Variants in NALF1 observed in about 807,000 individuals in gnomAD.
The protein encoded by NALF1 is NALCN channel auxiliary factor 1.
NALF1 carries 3 observed loss-of-function variants against 48.4 expected under a neutral mutation model. The ratio of observed to expected loss-of-function variants is 0.06; its 90% confidence interval spans 0.03 to 0.16. The LOEUF is 0.16. Among genes scored for constraint, NALF1 ranks in the 10% least tolerant of loss-of-function variants. NALF1 has a pLI of 1.00. For synonymous variants in NALF1, 262 were observed against 245.7 expected, an observed-to-expected ratio of 1.07 and a Z score of -0.62; for missense variants, 526 against 571.5, an observed-to-expected ratio of 0.92 and a Z score of 0.81.
At chr13:107,812,907 C>G (rs564970850) in intron 1 of NALF1, among the ~76,000 whole-genome samples, 2 of 152,068 alleles carry the variant, frequency 1.3e-5, no homozygotes, top group South Asian at 4.1e-4. Flanking sequence ...AGGCATGCAT[C>G]ACCACACCTG....
At chr13:107,830,245 A>C (rs2138626252) in intron 1 of NALF1, among the ~76,000 whole-genome samples, 1 of 152,360 alleles carries the variant, frequency 6.6e-6, no homozygotes, top group East Asian at 1.9e-4. Context: ...TCCAAAGGCC[A>C]ATCACCACTG....
intron 1 of NALF1, among the ~76,000 whole-genome samples, chr13:107,585,153 A>AT (rs1430898032): frequency 6.6e-6 from 1 of 152,020 alleles, no homozygotes; most frequent in Non-Finnish European, 1.5e-5. Flanking sequence ...CAACCCGGTC[A>AT]TTTTTTTCCA....
At chr13:107,363,888 C>T (rs1883107294) in intron 1 of NALF1, among the ~76,000 whole-genome samples, 1 of 152,108 alleles carries the variant, frequency 6.6e-6, no homozygotes, top group Admixed American at 6.5e-5. Context: ...CAAGAGGTAA[C>T]TTTGGGTTCT....
chr13:107,776,329 T>C (rs1368336343), intron 1 of NALF1, among the ~76,000 whole-genome samples: 7 of 152,244 alleles, frequency 4.6e-5, no homozygotes, highest in Admixed American at 3.9e-4. Context: ...GGTTTCCTCA[T>C]CTGTGAAAAG....
chr13:107,572,785 T>A (rs1196137078), intron 1 of NALF1, among the ~76,000 whole-genome samples: 1 of 152,220 alleles, frequency 6.6e-6, no homozygotes, highest in Non-Finnish European at 1.5e-5. Flanking sequence ...AAAACCAAAT[T>A]CATCATTCAT....
At chr13:107,544,576 A>G (rs1877085518) in intron 1 of NALF1, among the ~76,000 whole-genome samples, 1 of 152,128 alleles carries the variant, frequency 6.6e-6, no homozygotes, top group Non-Finnish European at 1.5e-5. Flanking sequence ...TTAGAACCCC[A>G]CAGTCCATAT....
Position 107,857,797 on chromosome 13 carries a change from G to A in NALF1, c.915+7885C>T, listed in dbSNP as rs116565277. Among the ~76,000 whole-genome samples the A allele has an allele frequency of 2.4e-3, 361 of 152,220 alleles. 2 individuals carry two copies. Among genetic ancestry groups the A allele is most frequent in the African/African-American group, 8.2e-3 (342 of 41,538 alleles). ...CTGTTTATAAAAGTCTTGTAAATCA[G>A]TCTTCTATACAGAAAATTTATATGA... On this transcript the variant is annotated intron_variant, in intron 1 of 2. Transcript: ENST00000375915.
At chr13:107,698,296 T>C (rs1326670736) in intron 1 of NALF1, among the ~76,000 whole-genome samples, 1 of 152,178 alleles carries the variant, frequency 6.6e-6, no homozygotes, top group Non-Finnish European at 1.5e-5. Context: ...GTCAAAAGGA[T>C]ATATGCTATC....
At chr13:107,734,406 AAAAACACAC>A (rs1211406314) in intron 1 of NALF1, among the ~76,000 whole-genome samples, 2 of 81,174 alleles carry the variant, frequency 2.5e-5, no homozygotes, top group Non-Finnish European at 5.9e-5. Flanking sequence ...TCCTTTAAAA[AAAAACACAC>A]ACACACACAC....
intron 1 of NALF1, among the ~76,000 whole-genome samples, chr13:107,329,510 T>C (rs1242634887): frequency 6.6e-6 from 1 of 152,004 alleles, no homozygotes; most frequent in Non-Finnish European, 1.5e-5. Flanking sequence ...TAAATTTTAT[T>C]ATTATTATAC....
At chr13:107,613,121 C>T (rs1248089317) in intron 1 of NALF1, among the ~76,000 whole-genome samples, 2 of 152,088 alleles carry the variant, frequency 1.3e-5, no homozygotes, top group South Asian at 2.1e-4. Flanking sequence ...GTGAAACTCC[C>T]GGGGAAGATT....
rs1310288611 is a variant in NALF1, at chr13:107,798,719, T to C, written c.915+66963A>G. Among the ~76,000 whole-genome samples, 5 of 152,208 alleles carry C rather than the reference T, an allele frequency of 3.3e-5. No homozygotes were observed. The East Asian group carries it at 7.7e-4, about 23-fold the overall frequency. On this transcript the variant is annotated intron_variant, in intron 1 of 2. Transcript: ENST00000375915. ...CAGTTTTGTCTTAAGCATTTCTAAA[T>C]AGAGTTTGCCACTATGAGATAAGAC...
rs192942483 is a variant in NALF1 at position 107,700,407 on chromosome 13, A to C, written c.915+165275T>G. 2.0e-5 allele frequency among the ~76,000 whole-genome samples: 3 copies of C among 150,748 alleles called. No homozygotes were observed. In the East Asian group the frequency reaches 6.0e-4, roughly 30 times the overall value. Reference sequence around the variant, plus strand: ...TGAACATAATATGGGAAAATAGTTTATTAAGTAAATGATGCTGAGAAAACA... The same window carrying C: ...TGAACATAATATGGGAAAATAGTTTCTTAAGTAAATGATGCTGAGAAAACA... On this transcript the variant is annotated intron_variant, in intron 1 of 2. Coordinates refer to ENST00000375915, the MANE Select transcript of NALF1 (RefSeq NM_001080396.3).
chr13:107,323,069 GT>G (rs1882287576), intron 1 of NALF1, among the ~76,000 whole-genome samples: 1 of 152,026 alleles, frequency 6.6e-6, no homozygotes, highest in Non-Finnish European at 1.5e-5. Context: ...CATGAATGAA[GT>G]TTTCTGACTT....
intron 1 of NALF1, among the ~76,000 whole-genome samples, chr13:107,727,817 T>A (rs1876201610): frequency 6.6e-6 from 1 of 152,118 alleles, no homozygotes; most frequent in African/African-American, 2.4e-5. Flanking sequence ...TATGAGGAAC[T>A]TAAACAAATT....
At chr13:107,530,659 C>T (rs1187082162) in intron 1 of NALF1, among the ~76,000 whole-genome samples, 1 of 152,022 alleles carries the variant, frequency 6.6e-6, no homozygotes, top group African/African-American at 2.4e-5. Context: ...GCAGGTACTA[C>T]ATGACAAATA....
At chr13:107,271,961 G>A (rs1451416408) in intron 1 of NALF1, among the ~76,000 whole-genome samples, 14 of 151,520 alleles carry the variant, frequency 9.2e-5, no homozygotes, top group Admixed American at 9.2e-4. Flanking sequence ...GAATAATCAT[G>A]AGACCTCAGG....
chr13:107,275,328 T>G (rs970809615), intron 1 of NALF1, among the ~76,000 whole-genome samples: 1 of 152,192 alleles, frequency 6.6e-6, no homozygotes, highest in Non-Finnish European at 1.5e-5. Flanking sequence ...ATGCAAATTA[T>G]GTATCTCATC....
At chr13:107,770,717 T>C (rs761112826) in intron 1 of NALF1, among the ~76,000 whole-genome samples, 5 of 152,260 alleles carry the variant, frequency 3.3e-5, no homozygotes, top group South Asian at 2.1e-4. Flanking sequence ...GACATGTTAA[T>C]GGCCTGGGTG....
Sources: allele counts gnomAD v4.1 joint callset (sites outside exome capture counted in the v4.1 genomes callset), GRCh38; gene constraint gnomAD v4.1.1; transcripts MANE v1.5; gene names NCBI Gene and HGNC (gene_info 2026-07-23, HGNC 2026-07-21).